Variants in GREB1 observed in about 807,000 individuals in gnomAD.
GREB1 encodes growth regulating estrogen receptor binding 1.
In GREB1, 106 loss-of-function variants were observed where a neutral mutation model predicts 200.7. The ratio of observed to expected loss-of-function variants is 0.53; its 90% CI spans 0.45 to 0.62. GREB1 has a LOEUF of 0.62. GREB1 is among the 20% of genes least tolerant of loss of function. The pLI is 0.00. For synonymous variants in GREB1, 1,132 were observed against 1,092.4 expected, an observed-to-expected ratio of 1.04 and a Z score of -0.72; for missense variants, 2,243 against 2,556.8, an observed-to-expected ratio of 0.88 and a Z score of 2.65.
At chr2:11,610,620 G>A (rs1558629902) in intron 17 of GREB1, 68 bp from the exon 18 acceptor site, 1 of 1,212,842 alleles carries the variant, frequency 8.2e-7, no homozygotes, top group East Asian at 2.3e-5. Flanking sequence ...GGATGTCTTG[G>A]GTGACTTGGC....
chr2:11,493,629 T>C lies in GREB1; in HGVS notation c.-159+11248T>C, dbSNP rs887819225. ...CCTGAATTCGCCTATGTAAAATTGGTTTCCTTATACAGTATGTTATACTGA... is the reference window on the plus strand; with the variant it reads ...CCTGAATTCGCCTATGTAAAATTGGCTTCCTTATACAGTATGTTATACTGA... On this transcript the variant is annotated intron_variant, in intron 1 of 2. Transcript: ENST00000628795. This position sits in a 1 kb window ranked among gnomAD's most constrained non-coding sequence, Gnocchi z 4.6. Among the ~76,000 whole-genome samples, 2 of 152,206 alleles carry C rather than the reference T, an allele frequency of 1.3e-5. No individual in the cohort carries two copies. Among genetic ancestry groups the C allele is most frequent in the African/African-American group, 4.8e-5 (2 of 41,458 alleles).
chr2:11,632,910 A>G lies in GREB1; in HGVS notation c.4838A>G (p.Lys1613Arg). 1 of 1,614,002 alleles carries G rather than the reference A, an allele frequency of 6.2e-7. No individual in the cohort carries two copies. Among genetic ancestry groups the G allele is most frequent in the Non-Finnish European group, 8.5e-7 (1 of 1,179,972 alleles). The change falls in exon 28 of 33, where the codon AAG becomes AGG. Residue 1613 changes from lysine (K) to arginine (R), a missense_variant. Transcript: ENST00000381486. ...GCAGGTGCTGCTCATTTCCTCATCA[A>G]GGAGCTGTCCTACCATAACCTGGAG... ...AGVGAAHFLI[K>R]ELSYHNLELE...
chr2:11,599,595 A>G (rs2148232512), intron 15 of GREB1, among the ~76,000 whole-genome samples: 1 of 145,710 alleles, frequency 6.9e-6, no homozygotes, highest in African/African-American at 2.6e-5. Context: ...ATCTCCGCTC[A>G]CTGCAAACTC....
chr2:11,499,599 A>G (rs1488628189), intron 1 of GREB1, among the ~76,000 whole-genome samples: 1 of 152,234 alleles, frequency 6.6e-6, no homozygotes, highest in Middle Eastern at 3.2e-3. Context: ...TGATTTATTT[A>G]TCTGATGAAA....
At chr2:11,579,015 C>T (rs568345581) in intron 6 of GREB1, among the ~76,000 whole-genome samples, 2 of 152,328 alleles carry the variant, frequency 1.3e-5, no homozygotes, top group East Asian at 3.9e-4. Flanking sequence ...CACCATGTTG[C>T]ACAGACTTCC....
intron 17 of GREB1, among the ~76,000 whole-genome samples, chr2:11,603,676 A>G (rs973772736): frequency 6.6e-6 from 1 of 152,250 alleles, no homozygotes; most frequent in Non-Finnish European, 1.5e-5. Flanking sequence ...GTTCTCCAGC[A>G]CATGGATCGA....
At chr2:11,513,418 G>A (rs183506379) in intron 1 of GREB1, among the ~76,000 whole-genome samples, 5 of 152,282 alleles carry the variant, frequency 3.3e-5, no homozygotes, top group Non-Finnish European at 5.9e-5. Flanking sequence ...TAATTTATCC[G>A]GGAGCAACAC....
chr2:11,515,236 T>C (rs772336795), intron 1 of GREB1, among the ~76,000 whole-genome samples: 5 of 152,148 alleles, frequency 3.3e-5, no homozygotes, highest in Non-Finnish European at 4.4e-5. Context: ...AGGTGTTCTC[T>C]GAACAGTACA....
At chr2:11,538,672 T>G (rs1383587966) in intron 1 of GREB1, among the ~76,000 whole-genome samples, 1 of 38,922 alleles carries the variant, frequency 2.6e-5, no homozygotes, top group African/African-American at 5.6e-5. Context: ...TTTCTTTCTT[T>G]CTTTCTTTCT....
chr2:11,583,299 G>A (rs1008902333), intron 7 of GREB1, among the ~76,000 whole-genome samples: 18 of 152,110 alleles, frequency 1.2e-4, no homozygotes, highest in South Asian at 1.0e-3. Flanking sequence ...TAGCCTCTGT[G>A]GGGGGTCTCC....
At chr2:11,509,502 T>G (rs898933469) in intron 1 of GREB1, among the ~76,000 whole-genome samples, 12 of 151,996 alleles carry the variant, frequency 7.9e-5, no homozygotes, top group Admixed American at 7.2e-4. Flanking sequence ...CACAATACCG[T>G]TATCACACCT....
At chr2:11,551,195 G>A (rs1195090132) in intron 1 of GREB1, among the ~76,000 whole-genome samples, 1 of 152,196 alleles carries the variant, frequency 6.6e-6, no homozygotes, top group Non-Finnish European at 1.5e-5. Flanking sequence ...AGGTACTGGT[G>A]CTGTGATTTG....
chr2:11,617,937 A>C (rs538738048), intron 21 of GREB1, among the ~76,000 whole-genome samples: 13 of 152,264 alleles, frequency 8.5e-5, no homozygotes, highest in African/African-American at 2.6e-4. Context: ...CGATGGAGTC[A>C]GCACTGAGCC....
chr2:11,553,349 A>G (rs1676116440), intron 1 of GREB1, among the ~76,000 whole-genome samples: 1 of 152,094 alleles, frequency 6.6e-6, no homozygotes, highest in South Asian at 2.1e-4. Context: ...GAATGTGAAA[A>G]TTAGCTTGGC....
Position 11,634,341 on chromosome 2 carries a change from C to T in GREB1, c.5202C>T (p.Asn1734=), listed in dbSNP as rs377363200. The T allele has an allele frequency of 3.1e-5, 50 of 1,613,038 alleles. No individual in the cohort carries two copies. The highest frequency in any genetic ancestry group is 4.2e-5 in the Non-Finnish European group (49 of 1,179,394). ...ACCTGACCCAGAACGTGCAGTACAA[C>T]CAGAACCGGTGAGCTCCTGCACCTG... ...NVDLTQNVQY[N]QNRFLCDDVD... Residue 1734 remains asparagine (N), a synonymous_variant, in exon 29 of 33, where the codon AAC becomes AAT. Transcript: ENST00000381486.
chr2:11,553,009 C>CA (rs370234359), intron 1 of GREB1, among the ~76,000 whole-genome samples: 2,320 of 80,824 alleles, frequency 0.029, 45 homozygotes, highest in Non-Finnish European at 0.044. Flanking sequence ...AACTCCGTCT[C>CA]AAAAAAAAAA....
chr2:11,640,538 G>A lies in GREB1; in HGVS notation c.*84G>A. 6.7e-7 allele frequency: 1 copy of A among 1,495,628 alleles called. No homozygotes were observed. Among genetic ancestry groups the A allele is most frequent in the Non-Finnish European group, 9.2e-7 (1 of 1,081,880 alleles). The allele number at this position is 1,495,628 out of a possible 1,614,324, so 92.6% of individuals were successfully genotyped here. ...GCTAAAGGGAGGCCTGGAACGGTGG[G>A]GCGTTTGACTGGAATGGACCCCAGG... On this transcript the variant is annotated 3_prime_UTR_variant, in exon 33 of 33. Coordinates refer to ENST00000381486, the MANE Select transcript of GREB1 (RefSeq NM_014668.4). This position sits in a 1 kb window ranked among gnomAD's most constrained non-coding sequence, Gnocchi z 4.6.
chr2:11,580,726 A>C lies in GREB1; in HGVS notation c.795A>C (p.Ser265=), dbSNP rs764330178. The C allele has an allele frequency of 6.2e-7, 1 of 1,613,840 alleles. No homozygotes were observed. The highest frequency in any genetic ancestry group is 8.5e-7 in the Non-Finnish European group (1 of 1,179,856). Residue 265 remains serine, a synonymous_variant, in exon 7 of 33, where the codon TCA becomes TCC. Coordinates refer to ENST00000381486, the MANE Select transcript of GREB1 (RefSeq NM_014668.4). The surrounding 1 kb of genome is among the most constrained non-coding windows in gnomAD (Gnocchi z 4.5). ...QQAGPASDHP[S]LNAAMGPAVF... is the part of the protein sequence containing the mutation. ...CAGGACCAGCTTCTGATCACCCCTCACTAAACGCAGCAATGGGTCCGGCTG... is the reference window on the plus strand; with the variant it reads ...CAGGACCAGCTTCTGATCACCCCTCCCTAAACGCAGCAATGGGTCCGGCTG...
intron 1 of GREB1, among the ~76,000 whole-genome samples, chr2:11,501,547 C>G (rs1558485873): frequency 6.6e-6 from 1 of 152,096 alleles, no homozygotes; most frequent in Non-Finnish European, 1.5e-5. Context: ...GCACGTGCCA[C>G]CATGCCCGGC....
Sources: allele counts gnomAD v4.1 joint callset (sites outside exome capture counted in the v4.1 genomes callset), GRCh38; gene constraint gnomAD v4.1.1; non-coding constraint Gnocchi (gnomAD v3.1); transcripts MANE v1.5; gene names NCBI Gene and HGNC (gene_info 2026-07-23, HGNC 2026-07-21).